The following QTGAL variants were observed in gnomAD, a reference collection of about 807,000 sequenced individuals.
QTGAL encodes the protein queuosine-tRNA galactosyltransferase, also known as BGnT-like protein 1.
At chr17:82,995,125 G>T in the QTGAL span, among the ~76,000 whole-genome samples, 2 of 152,204 alleles carry the variant, frequency 1.3e-5, no homozygotes, top group Admixed American at 1.3e-4. Context: ...CTGAGATTGG[G>T]AACATGACAA....
chr17:83,035,166 C>T, the QTGAL span: 2 of 1,328,662 alleles, frequency 1.5e-6, no homozygotes, highest in Non-Finnish European at 2.1e-6. Context: ...TTTCATAGAG[C>T]TTAGTATATG....
chr17:83,016,050 G>A, the QTGAL span, among the ~76,000 whole-genome samples: 1 of 152,146 alleles, frequency 6.6e-6, no homozygotes, highest in Non-Finnish European at 1.5e-5. Flanking sequence ...TCCCTTTAAG[G>A]TGCCGGCCAT....
chr17:82,951,153 C>G, the QTGAL span, among the ~76,000 whole-genome samples: 3 of 152,344 alleles, frequency 2.0e-5, no homozygotes, highest in South Asian at 6.2e-4. Flanking sequence ...TTTTGAAGCT[C>G]TGAAGCCAGG....
the QTGAL span, among the ~76,000 whole-genome samples, chr17:82,992,696 A>C: frequency 6.6e-6 from 1 of 150,588 alleles, no homozygotes; most frequent in Non-Finnish European, 1.5e-5. Flanking sequence ...TGTGGTGTGT[A>C]AACTACTCTT....
the QTGAL span, among the ~76,000 whole-genome samples, chr17:83,042,988 C>T: frequency 1.3e-5 from 2 of 152,126 alleles, no homozygotes; most frequent in African/African-American, 4.8e-5. Flanking sequence ...ATATAACAAG[C>T]ATAAAACTGT....
the QTGAL span, among the ~76,000 whole-genome samples, chr17:83,033,783 A>G: frequency 2.6e-5 from 4 of 151,550 alleles, no homozygotes; most frequent in East Asian, 7.9e-4. Context: ...AGTTATCTAC[A>G]TTTTTAAAAG....
At chr17:82,972,433 C>T in the QTGAL span, among the ~76,000 whole-genome samples, 1 of 123,272 alleles carries the variant, frequency 8.1e-6, no homozygotes, top group African/African-American at 3.6e-5. Context: ...CAGCACACCA[C>T]AGGGGCTAGA....
At chr17:82,987,839 T>A in the QTGAL span, among the ~76,000 whole-genome samples, 3 of 152,252 alleles carry the variant, frequency 2.0e-5, no homozygotes, top group Admixed American at 2.0e-4. Context: ...GGAATAGCAT[T>A]GAATCTATAA....
chr17:82,999,165 C>T, the QTGAL span, among the ~76,000 whole-genome samples: 1 of 152,138 alleles, frequency 6.6e-6, no homozygotes, highest in Non-Finnish European at 1.5e-5. Flanking sequence ...GACATATATT[C>T]ACTGTCATGC....
chr17:82,967,469 A>G, the QTGAL span, among the ~76,000 whole-genome samples: 1 of 152,050 alleles, frequency 6.6e-6, no homozygotes, highest in Non-Finnish European at 1.5e-5. Context: ...AGTCCTCATC[A>G]GCACAGTGGC....
At chr17:83,034,097 C>T in the QTGAL span, among the ~76,000 whole-genome samples, 51 of 152,130 alleles carry the variant, frequency 3.4e-4, no homozygotes, top group Admixed American at 3.1e-3. Flanking sequence ...CACACCACCA[C>T]GCCTGGCTAA....
the QTGAL span, among the ~76,000 whole-genome samples, chr17:83,041,498 G>C: frequency 6.6e-6 from 1 of 152,174 alleles, no homozygotes; most frequent in Non-Finnish European, 1.5e-5. Flanking sequence ...AGCGACAAGA[G>C]AAAATCACTT....
At chr17:82,986,721 A>G in the QTGAL span, among the ~76,000 whole-genome samples, 3 of 152,268 alleles carry the variant, frequency 2.0e-5, no homozygotes, top group Non-Finnish European at 4.4e-5. Context: ...GTTAGAAGCC[A>G]GTGATCCTTA....
chr17:83,007,333 T>TGG, the QTGAL span: 1 of 953,700 alleles, frequency 1.0e-6, no homozygotes, highest in Non-Finnish European at 1.2e-6. Flanking sequence ...TCTAAACTGT[T>TGG]TGGTGTGTCT....
chr17:83,005,222 A>C, the QTGAL span: 1 of 1,596,954 alleles, frequency 6.3e-7, no homozygotes, highest in Admixed American at 1.7e-5. The surrounding 1 kb of genome is among the most constrained non-coding windows in gnomAD (Gnocchi z 5.6). Context: ...TGTGAAAAAC[A>C]ACGGCAGACA....
chr17:83,034,736 T>C, the QTGAL span, among the ~76,000 whole-genome samples: 1 of 152,006 alleles, frequency 6.6e-6, no homozygotes, highest in African/African-American at 2.4e-5. Flanking sequence ...GCTGATGGAC[T>C]TCAAGGGAGG....
the QTGAL span, chr17:83,048,884 G>C: frequency 2.0e-5 from 19 of 952,216 alleles, no homozygotes; most frequent in Non-Finnish European, 3.0e-5. Flanking sequence ...CATATGCCGT[G>C]ACAAACAAAA....
At chr17:83,004,875 G>C in the QTGAL span, among the ~76,000 whole-genome samples, 2 of 152,012 alleles carry the variant, frequency 1.3e-5, no homozygotes, top group Non-Finnish European at 2.9e-5. Flanking sequence ...GTGCGGTCGG[G>C]TTTCCCAGCT....
the QTGAL span, chr17:83,048,628 T>A: frequency 3.7e-6 from 6 of 1,606,430 alleles, no homozygotes; most frequent in South Asian, 6.6e-5. Flanking sequence ...AACCGTTGCT[T>A]ACACTGGGGC....
Sources: gnomAD v4.1 joint callset for allele counts (sites outside exome capture counted in the v4.1 genomes callset) on GRCh38, gnomAD v4.1.1 for gene constraint, Gnocchi (gnomAD v3.1) non-coding constraint, MANE v1.5 for transcripts, NCBI Gene and HGNC (gene_info 2026-07-23, HGNC 2026-07-21) for gene names.